The following GPR158 variants were observed in gnomAD, a reference collection of about 807,000 sequenced individuals.
The protein encoded by GPR158 is G protein-coupled receptor 158.
In GPR158, 30 loss-of-function variants were observed where a neutral mutation model predicts 78.2. The ratio of observed to expected loss-of-function variants is 0.38; its 90% CI spans 0.29 to 0.52. The LOEUF (loss-of-function observed/expected upper bound fraction) is 0.52, where lower values mean the gene tolerates loss of function less well. Ranked by LOEUF, GPR158 falls within the 20% of genes least tolerant of loss-of-function variation. The probability of loss-of-function intolerance (pLI) is 0.83; values close to 1 mark genes in which losing one functional copy is unlikely to be tolerated. For missense variants in GPR158, 1,463 were observed against 1,523.5 expected, an observed-to-expected ratio of 0.96 and a Z score of 0.66; for synonymous variants, 581 against 591.1, an observed-to-expected ratio of 0.98 and a Z score of 0.25.
chr10:25,381,112 A>G (rs1834148503), intron 2 of GPR158, among the ~76,000 whole-genome samples: 1 of 152,226 alleles, frequency 6.6e-6, no homozygotes. Context: ...GAGTGGCAAA[A>G]GAAGTAGGAG....
chr10:25,539,794 G>A (rs1186716379), intron 5 of GPR158, among the ~76,000 whole-genome samples: 1 of 152,088 alleles, frequency 6.6e-6, no homozygotes. Context: ...TTGTATAAAT[G>A]TAAAGCTGCA....
At chr10:25,481,181 C>A (rs1835659843) in intron 5 of GPR158, among the ~76,000 whole-genome samples, 1 of 150,964 alleles carries the variant, frequency 6.6e-6, no homozygotes, top group Non-Finnish European at 1.5e-5. Context: ...CAGAGACAGA[C>A]CTATGGACTG....
intron 5 of GPR158, among the ~76,000 whole-genome samples, chr10:25,495,818 C>A (rs1198508701): frequency 6.6e-6 from 1 of 152,084 alleles, no homozygotes; most frequent in African/African-American, 2.4e-5. Context: ...TTTCTTCTTT[C>A]CTTCAGCTGT....
chr10:25,550,949 A>G (rs1418927828), intron 5 of GPR158, 27 bp from the exon 6 acceptor site: 3 of 1,143,276 alleles, frequency 2.6e-6, no homozygotes, highest in Non-Finnish European at 4.0e-6. Context: ...TTGATCCTGA[A>G]GGTCTCTTTC....
rs546737222 is a variant in GPR158 at position 25,316,395 on chromosome 10, TA to T, written c.1009-79514del. On this transcript the variant is annotated intron_variant, in intron 2 of 10. Transcript: ENST00000376351. ...ATTAAGTAGTTCAGTCCAAAGAACT[TA>T]ATAAATATTTATGTTCTAACAACTT... 3.2e-3 allele frequency among the ~76,000 whole-genome samples: 494 copies of T among 152,304 alleles called. 1 individual carries two copies. The highest frequency in any genetic ancestry group is 0.011 in the African/African-American group (455 of 41,572).
At chr10:25,281,240 GAAAAA>G (rs1303278972) in intron 2 of GPR158, among the ~76,000 whole-genome samples, 1 of 149,458 alleles carries the variant, frequency 6.7e-6, no homozygotes, top group Admixed American at 6.7e-5. Context: ...ACTGGTTAAA[GAAAAA>G]AAAAGAAATC....
chr10:25,389,592 A>G (rs1834266448), intron 2 of GPR158, among the ~76,000 whole-genome samples: 1 of 152,202 alleles, frequency 6.6e-6, no homozygotes, highest in Non-Finnish European at 1.5e-5. Context: ...TGGATGGAGT[A>G]CAAGAACTTG....
chr10:25,238,446 G>T (rs973795177), intron 2 of GPR158, among the ~76,000 whole-genome samples: 2 of 152,120 alleles, frequency 1.3e-5, no homozygotes, highest in Non-Finnish European at 2.9e-5. Flanking sequence ...TAATGTATCT[G>T]GAATCACAAC....
intron 1 of GPR158, among the ~76,000 whole-genome samples, chr10:25,210,854 C>T (rs1201281458): frequency 6.6e-6 from 1 of 152,140 alleles, no homozygotes; most frequent in African/African-American, 2.4e-5. Context: ...AGAATTTTGG[C>T]TGGGTGCGGT....
intron 1 of GPR158, among the ~76,000 whole-genome samples, chr10:25,191,635 CAGCTTCATAT>C (rs1852772781): frequency 6.6e-6 from 1 of 152,202 alleles, no homozygotes; most frequent in Non-Finnish European, 1.5e-5. Context: ...TTCATATAAA[CAGCTTCATAT>C]AAACAGCTGA....
At chr10:25,258,332 C>A (rs991896917) in intron 2 of GPR158, among the ~76,000 whole-genome samples, 3 of 152,184 alleles carry the variant, frequency 2.0e-5, no homozygotes, top group Admixed American at 6.5e-5. Context: ...CATAAATAAT[C>A]TGACATATTC....
rs560424816 is a variant in GPR158 at position 25,214,153 on chromosome 10, C to A, written c.903-6899C>A. ...GGGACTACAGGCGCCCGACACCACGCCCCGCTAATTTTTTGTATTTTTAGT... is the reference window on the plus strand; with the variant it reads ...GGGACTACAGGCGCCCGACACCACGACCCGCTAATTTTTTGTATTTTTAGT... On this transcript the variant is annotated intron_variant, in intron 1 of 10. Transcript: ENST00000376351. Among the ~76,000 whole-genome samples, 24 of 152,108 alleles carry A rather than the reference C, an allele frequency of 1.6e-4. No individual in the cohort carries two copies. The South Asian group carries it at 4.4e-3, about 28-fold the overall frequency.
intron 8 of GPR158, among the ~76,000 whole-genome samples, chr10:25,590,036 T>C (rs1177154971): frequency 6.6e-6 from 1 of 152,098 alleles, no homozygotes; most frequent in Non-Finnish European, 1.5e-5. Context: ...AATTCCTTTT[T>C]TGGCCTTCAG....
At chr10:25,563,923 G>A in intron 6 of GPR158, among the ~76,000 whole-genome samples, 1 of 151,722 alleles carries the variant, frequency 6.6e-6, no homozygotes. Context: ...TCGTGCTTAT[G>A]GACCCTATAA....
chr10:25,432,163 C>T (rs1024990971), intron 4 of GPR158, among the ~76,000 whole-genome samples: 28 of 152,108 alleles, frequency 1.8e-4, no homozygotes, highest in Non-Finnish European at 2.6e-4. Context: ...TTAGGAATCA[C>T]GCAGAAAAAC....
intron 2 of GPR158, among the ~76,000 whole-genome samples, chr10:25,337,727 TG>T (rs1456268093): frequency 7.2e-6 from 1 of 139,860 alleles, no homozygotes; most frequent in African/African-American, 3.2e-5. Context: ...TTTTCTAAAA[TG>T]ATTGTATTTG....
chr10:25,460,979 G>A (rs1334106675), intron 4 of GPR158, among the ~76,000 whole-genome samples: 1 of 152,136 alleles, frequency 6.6e-6, no homozygotes, highest in Non-Finnish European at 1.5e-5. Flanking sequence ...GGAATGCCAT[G>A]AACCGCACCC....
Position 25,548,288 on chromosome 10 carries a change from A to C in GPR158, c.1405-2688A>C, listed in dbSNP as rs562471333. On this transcript the variant is annotated intron_variant, in intron 5 of 10. Transcript: ENST00000376351. ...ACTACAATGCAAGATGCAGTAGAAG[A>C]AGCATATAGTCTAAAAGTCATAGTA... is the stretch of plus-strand genomic sequence containing the variant. 2.0e-5 allele frequency among the ~76,000 whole-genome samples: 3 copies of C among 152,288 alleles called. No homozygotes were observed. In the East Asian group the frequency reaches 5.8e-4, roughly 29 times the overall value.
intron 2 of GPR158, among the ~76,000 whole-genome samples, chr10:25,313,413 A>G (rs1854796744): frequency 6.6e-6 from 1 of 152,128 alleles, no homozygotes; most frequent in Non-Finnish European, 1.5e-5. Flanking sequence ...AAATTGTTTA[A>G]AAAAAGAAAA....
Sources: allele counts gnomAD v4.1 joint callset (sites outside exome capture counted in the v4.1 genomes callset), GRCh38; gene constraint gnomAD v4.1.1; transcripts MANE v1.5; gene names NCBI Gene and HGNC (gene_info 2026-07-23, HGNC 2026-07-21).